Variants in CHRM2 observed in about 807,000 individuals in gnomAD.
CHRM2 encodes the protein cholinergic receptor muscarinic 2.
In CHRM2, 8 loss-of-function variants were observed where a neutral mutation model predicts 25.0. The observed-to-expected ratio is 0.32, with a 90% confidence interval of 0.19 to 0.58. The LOEUF (loss-of-function observed/expected upper bound fraction) is 0.58. Among genes scored for constraint, CHRM2 ranks in the 20% least tolerant of loss-of-function variants. The probability of loss-of-function intolerance (pLI) is 0.88; values close to 1 mark genes in which losing one functional copy is unlikely to be tolerated. For missense variants in CHRM2, 440 were observed against 567.1 expected, an observed-to-expected ratio of 0.78 and a Z score of 2.28; for synonymous variants, 202 against 205.7, an observed-to-expected ratio of 0.98 and a Z score of 0.15.
At chr7:136,895,800 A>G (rs756189373) in intron 2 of CHRM2, among the ~76,000 whole-genome samples, 1 of 152,186 alleles carries the variant, frequency 6.6e-6, no homozygotes, top group Non-Finnish European at 1.5e-5. Flanking sequence ...AAGTTTAGAA[A>G]TACAAAGCTC....
chr7:136,986,766 C>T (rs2130999693), intron 2 of CHRM2, among the ~76,000 whole-genome samples: 1 of 152,276 alleles, frequency 6.6e-6, no homozygotes, highest in East Asian at 1.9e-4. Context: ...TCAGGAGCAC[C>T]TGCAAAACAT....
chr7:136,880,107 T>A (rs1796206370), intron 2 of CHRM2, among the ~76,000 whole-genome samples: 1 of 151,752 alleles, frequency 6.6e-6, no homozygotes, highest in African/African-American at 2.4e-5. Flanking sequence ...CTGTGGTTTA[T>A]CTTAGTGCGT....
At chr7:136,936,379 A>G (rs1411649693) in intron 2 of CHRM2, among the ~76,000 whole-genome samples, 1 of 152,208 alleles carries the variant, frequency 6.6e-6, no homozygotes, top group Non-Finnish European at 1.5e-5. Context: ...TCCCAAATTC[A>G]GGAACAAAGG....
chr7:136,978,133 G>A (rs1325779729), intron 2 of CHRM2, among the ~76,000 whole-genome samples: 4 of 152,128 alleles, frequency 2.6e-5, no homozygotes, highest in Admixed American at 6.6e-5. Flanking sequence ...CACTACTTGG[G>A]TGACGGGATC....
chr7:136,984,585 G>A (rs566576139), intron 2 of CHRM2, among the ~76,000 whole-genome samples: 2 of 152,250 alleles, frequency 1.3e-5, no homozygotes, highest in East Asian at 3.9e-4. Flanking sequence ...GGCACCCAAG[G>A]GAATCTCCTC....
intron 2 of CHRM2, among the ~76,000 whole-genome samples, chr7:136,950,078 T>C (rs1026687804): frequency 2.0e-5 from 3 of 152,202 alleles, no homozygotes; most frequent in African/African-American, 7.2e-5. Flanking sequence ...CATGGTGGTC[T>C]TCACTTGCAT....
intron 2 of CHRM2, among the ~76,000 whole-genome samples, chr7:136,971,999 G>T (rs1224005695): frequency 6.6e-6 from 1 of 152,122 alleles, no homozygotes; most frequent in East Asian, 1.9e-4. Context: ...TTGTTTACTT[G>T]ATTCCATAAA....
intron 2 of CHRM2, chr7:136,938,617 G>T (rs960992009): frequency 3.4e-6 from 3 of 873,478 alleles, no homozygotes; most frequent in Non-Finnish European, 5.8e-6. Flanking sequence ...TGTCCACTCG[G>T]GAGAAGCTCG....
intron 2 of CHRM2, among the ~76,000 whole-genome samples, chr7:136,896,774 G>A (rs1031287513): frequency 1.3e-5 from 2 of 152,122 alleles, no homozygotes; most frequent in African/African-American, 4.8e-5. Flanking sequence ...ATAGGGGAAG[G>A]GTGGTGGAGA....
intron 2 of CHRM2, among the ~76,000 whole-genome samples, chr7:136,900,811 T>C (rs1170573660): frequency 6.6e-6 from 1 of 151,912 alleles, no homozygotes; most frequent in Non-Finnish European, 1.5e-5. Flanking sequence ...CAGAGTGGCC[T>C]TCCTAGGTTT....
In CHRM2 at chr7:137,018,607, G is replaced by A. The variant is rs1805294514; in HGVS notation, c.*2341G>A. ...TTGGCATCCAGGATTCAGGATTCAG[G>A]GTCTTTTTTTGTTTGCTCTAATAAT... On this transcript the variant is annotated 3_prime_UTR_variant, in exon 4 of 4. Transcript: ENST00000680005. 6.6e-6 allele frequency: 1 copy of A among 151,748 alleles called. No homozygotes were observed. The highest frequency in any genetic ancestry group is 2.4e-5 in the African/African-American group (1 of 41,376). The allele number at this position is 151,748 out of a possible 1,614,324, so 9.4% of individuals were successfully genotyped here.
chr7:136,985,077 T>C (rs1397399499), intron 2 of CHRM2, among the ~76,000 whole-genome samples: 4 of 152,184 alleles, frequency 2.6e-5, no homozygotes, highest in Non-Finnish European at 5.9e-5. Flanking sequence ...TTGTCATTGC[T>C]GTTCTAGTAT....
At chr7:136,965,988 A>G (rs1801392198) in intron 2 of CHRM2, among the ~76,000 whole-genome samples, 1 of 152,038 alleles carries the variant, frequency 6.6e-6, no homozygotes, top group Non-Finnish European at 1.5e-5. Flanking sequence ...TCTTCCCTTT[A>G]GAATATGCTA....
intron 2 of CHRM2, among the ~76,000 whole-genome samples, chr7:136,982,849 A>T (rs990869650): frequency 6.6e-6 from 1 of 151,938 alleles, no homozygotes; most frequent in East Asian, 1.9e-4. Context: ...GAGTAATGTG[A>T]CCTTTCTCTC....
chr7:136,994,506 C>T (rs1165556870), intron 3 of CHRM2, among the ~76,000 whole-genome samples: 1 of 139,438 alleles, frequency 7.2e-6, no homozygotes, highest in African/African-American at 2.7e-5. Flanking sequence ...GTGCTTTCTG[C>T]TCTTTTTTTC....
intron 2 of CHRM2, chr7:136,901,979 T>G (rs1797237472): frequency 6.6e-6 from 1 of 151,954 alleles, no homozygotes; most frequent in Admixed American, 6.6e-5. Flanking sequence ...GAACTGTCAG[T>G]AGATTCTGAT....
chr7:136,907,149 A>C (rs908800365), intron 2 of CHRM2, among the ~76,000 whole-genome samples: 4 of 151,926 alleles, frequency 2.6e-5, no homozygotes, highest in Admixed American at 6.6e-5. Flanking sequence ...CAGTGGCTGT[A>C]AATACAGATG....
intron 3 of CHRM2, among the ~76,000 whole-genome samples, chr7:137,000,774 T>C (rs1347763016): frequency 1.3e-5 from 2 of 151,992 alleles, no homozygotes; most frequent in Non-Finnish European, 2.9e-5. Flanking sequence ...ACAATGCATG[T>C]AACCAAAAAC....
chr7:136,935,203 T>C (rs141550270), intron 2 of CHRM2, among the ~76,000 whole-genome samples: 117 of 93,634 alleles, frequency 1.2e-3, no homozygotes, highest in African/African-American at 4.9e-3. Context: ...TAATGCACTG[T>C]ACTCCTGTTC....
Sources: allele counts gnomAD v4.1 joint callset (sites outside exome capture counted in the v4.1 genomes callset), GRCh38; gene constraint gnomAD v4.1.1; transcripts MANE v1.5; gene names NCBI Gene and HGNC (gene_info 2026-07-23, HGNC 2026-07-21).